LIMA1: variants seen among roughly 807,000 people sequenced by gnomAD.
LIMA1 encodes LIM domain and actin-binding protein 1.
A neutral mutation model predicts 62.6 loss-of-function variants in LIMA1; 52 were observed. The observed-to-expected ratio is 0.83, with a 90% CI of 0.67 to 1.05. The LOEUF (loss-of-function observed/expected upper bound fraction) is 1.05. Ranked by LOEUF, LIMA1 falls within the 50% of genes least tolerant of loss-of-function variation. The pLI is 0.00. For synonymous variants in LIMA1, 302 were observed against 317.8 expected (o/e 0.95, Z 0.53); for missense variants, 780 against 902.2 (o/e 0.86, Z 1.74).
At chr12:50,193,998 T>TA (rs1013031962) in intron 8 of LIMA1, among the ~76,000 whole-genome samples, 13 of 105,532 alleles carry the variant, frequency 1.2e-4, no homozygotes, top group South Asian at 3.2e-4. Flanking sequence ...TATATATATA[T>TA]TTTTTTTGAG....
At chr12:50,216,364 A>G (rs1214290139) in intron 4 of LIMA1, among the ~76,000 whole-genome samples, 4 of 151,902 alleles carry the variant, frequency 2.6e-5, no homozygotes, top group Non-Finnish European at 5.9e-5. Flanking sequence ...ACAGACATGC[A>G]CCACCATCTC....
intron 7 of LIMA1, among the ~76,000 whole-genome samples, chr12:50,199,898 AT>A (rs544020117): frequency 4.3e-4 from 63 of 146,422 alleles, no homozygotes; most frequent in Non-Finnish European, 4.5e-4. Flanking sequence ...TCCCAAATAG[AT>A]TTTTTTTTTT....
chr12:50,221,087 CTTAATA>C (rs1443891273), intron 4 of LIMA1, among the ~76,000 whole-genome samples: 1 of 152,058 alleles, frequency 6.6e-6, no homozygotes, highest in African/African-American at 2.4e-5. Flanking sequence ...AGAAAGAATG[CTTAATA>C]TTATTATATT....
intron 9 of LIMA1, among the ~76,000 whole-genome samples, chr12:50,190,764 C>A (rs528273722): frequency 8.1e-6 from 1 of 124,026 alleles, no homozygotes; most frequent in African/African-American, 3.1e-5. Flanking sequence ...CACATTCTTT[C>A]GTTAAAAATG....
intron 1 of LIMA1, among the ~76,000 whole-genome samples, chr12:50,267,615 G>A (rs932337621): frequency 6.6e-6 from 1 of 151,950 alleles, no homozygotes; most frequent in African/African-American, 2.4e-5. Context: ...CACTTCCTGG[G>A]TTCAAGCAAT....
At chr12:50,247,423 T>C (rs1941865570) in intron 2 of LIMA1, among the ~76,000 whole-genome samples, 5 of 151,778 alleles carry the variant, frequency 3.3e-5, no homozygotes, top group Admixed American at 2.0e-4. Context: ...GGAATGGCCA[T>C]GTGTAGGTGT....
intron 4 of LIMA1, among the ~76,000 whole-genome samples, chr12:50,217,164 G>A (rs1180753566): frequency 6.6e-6 from 1 of 151,530 alleles, no homozygotes; most frequent in Non-Finnish European, 1.5e-5. Flanking sequence ...GACTTAAAAA[G>A]CCAACATTGT....
chr12:50,192,950 G>A (rs546057721), intron 8 of LIMA1, among the ~76,000 whole-genome samples: 17 of 151,934 alleles, frequency 1.1e-4, no homozygotes, highest in Admixed American at 5.3e-4. Flanking sequence ...GGAAAAAGGG[G>A]GAGATGTGAG....
intron 9 of LIMA1, 117 bp from the exon 10 acceptor site, chr12:50,182,154 T>C: frequency 9.0e-7 from 1 of 1,110,634 alleles, no homozygotes; most frequent in Non-Finnish European, 1.3e-6. Context: ...TCAATTCTCA[T>C]GGAGCACTAA....
At chr12:50,260,717 G>A (rs191011848) in intron 1 of LIMA1, among the ~76,000 whole-genome samples, 10 of 152,154 alleles carry the variant, frequency 6.6e-5, no homozygotes, top group Admixed American at 6.5e-4. Context: ...TAACTGTGGT[G>A]ACATGTGCAA....
At chr12:50,224,895 C>CTTTTT in intron 3 of LIMA1, among the ~76,000 whole-genome samples, 1 of 142,704 alleles carries the variant, frequency 7.0e-6, no homozygotes, top group Non-Finnish European at 1.5e-5. Flanking sequence ...GCATGCCTGG[C>CTTTTT]ATTTTTTTTT....
rs1940794071 is a variant in LIMA1 at position 50,192,306 on chromosome 12, C to T, written c.1140+146G>A. The T allele has an allele frequency of 6.4e-6, 4 of 622,404 alleles. No individual in the cohort carries two copies. In the South Asian group the frequency reaches 8.0e-5, roughly 12 times the overall value. 38.6% of individuals were successfully genotyped at this position (622,404 alleles called of 1,614,324 possible). ...GAGGCAGCAAGATTTCCAGGGAAAG[C>T]GACTGGCTTCAGTGTGCTCTTCTGT... is the stretch of plus-strand genomic sequence containing the variant. On this transcript the variant is annotated intron_variant, in intron 9 of 10. Coordinates refer to ENST00000341247, the MANE Select transcript of LIMA1 (RefSeq NM_016357.5).
intron 7 of LIMA1, among the ~76,000 whole-genome samples, chr12:50,197,073 C>CTTT (rs34487829): frequency 3.0e-5 from 4 of 132,372 alleles, no homozygotes; most frequent in Admixed American, 7.8e-5. Context: ...GTAATCTTTG[C>CTTT]TTTTTTTTTT....
At chr12:50,255,578 A>G (rs910230899) in intron 1 of LIMA1, among the ~76,000 whole-genome samples, 2 of 151,310 alleles carry the variant, frequency 1.3e-5, no homozygotes, top group Non-Finnish European at 2.9e-5. Context: ...GAAAAGAAAA[A>G]AAAAAGTAAA....
chr12:50,241,584 T>G (rs980201856), intron 2 of LIMA1, among the ~76,000 whole-genome samples: 1 of 152,196 alleles, frequency 6.6e-6, no homozygotes. Context: ...TTAATCCTGT[T>G]CTCAAACCCC....
rs146347071 is a variant in LIMA1 at position 50,222,099 on chromosome 12, C to T, written c.552G>A (p.Ser184=). The T allele has an allele frequency of 1.4e-5, 22 of 1,613,986 alleles. No individual in the cohort carries two copies. Among genetic ancestry groups the T allele is most frequent in the South Asian group, 6.6e-5 (6 of 91,080 alleles). Residue 184 remains serine, a synonymous_variant, in exon 4 of 11, where the codon TCG becomes TCA. Transcript: ENST00000341247. ...GAACATTATATTTCTCTATTTTGCC[C>T]GAAGCATCTGTGTTTTCACTGATTT... ...KSEISENTDA[S]GKIEKYNVPL... is the part of the protein sequence containing the mutation.
intron 1 of LIMA1, among the ~76,000 whole-genome samples, chr12:50,250,872 ATTC>A (rs753301081): frequency 7.0e-4 from 107 of 152,348 alleles, no homozygotes; most frequent in Non-Finnish European, 1.4e-3. Flanking sequence ...ACTTCACAGT[ATTC>A]TTATGAGAAA....
At chr12:50,187,181 C>T (rs1940650048) in intron 9 of LIMA1, 2 of 152,294 alleles carry the variant, frequency 1.3e-5, no homozygotes, top group East Asian at 1.9e-4. Context: ...TGCATGGCTT[C>T]ATTTACATTC....
At chr12:50,250,415 C>T (rs1276775457) in intron 1 of LIMA1, among the ~76,000 whole-genome samples, 1 of 151,086 alleles carries the variant, frequency 6.6e-6, no homozygotes, top group Non-Finnish European at 1.5e-5. Context: ...CATAGCAAGA[C>T]CCCCTCTTCT....
Sources: allele counts gnomAD v4.1 joint callset (sites outside exome capture counted in the v4.1 genomes callset), GRCh38; gene constraint gnomAD v4.1.1; transcripts MANE v1.5; gene names NCBI Gene and HGNC (gene_info 2026-07-23, HGNC 2026-07-21).